HEMK2: variants seen among roughly 807,000 people sequenced by gnomAD.
The protein encoded by HEMK2 is methyltransferase HEMK2.
the HEMK2 span, among the ~76,000 whole-genome samples, chr21:28,625,647 G>T: frequency 6.6e-6 from 1 of 152,170 alleles, no homozygotes; most frequent in East Asian, 1.9e-4. Flanking sequence ...GGAGGTGGAG[G>T]TTGCAGTAAG....
the HEMK2 span, among the ~76,000 whole-genome samples, chr21:28,733,501 A>G: frequency 2.0e-4 from 31 of 152,290 alleles, no homozygotes; most frequent in African/African-American, 7.0e-4. Context: ...CGCAGGTCTC[A>G]TGATAAAGGA....
chr21:28,828,472 G>C, the HEMK2 span, among the ~76,000 whole-genome samples: 1 of 152,122 alleles, frequency 6.6e-6, no homozygotes, highest in Non-Finnish European at 1.5e-5. Context: ...AGAACTACTA[G>C]GTGAACACTC....
chr21:28,698,542 TA>T, the HEMK2 span, among the ~76,000 whole-genome samples: 5 of 151,950 alleles, frequency 3.3e-5, no homozygotes, highest in African/African-American at 2.4e-5. Flanking sequence ...TTATTTAATT[TA>T]AAAAAAGAAA....
chr21:28,782,646 G>C, the HEMK2 span, among the ~76,000 whole-genome samples: 1 of 152,282 alleles, frequency 6.6e-6, no homozygotes, highest in East Asian at 1.9e-4. Flanking sequence ...CCCATGAAAA[G>C]AAAACTGTTA....
the HEMK2 span, among the ~76,000 whole-genome samples, chr21:28,844,499 T>A: frequency 6.6e-6 from 1 of 152,136 alleles, no homozygotes; most frequent in Non-Finnish European, 1.5e-5. Flanking sequence ...GCACTAATCA[T>A]TATTTTTAAT....
the HEMK2 span, among the ~76,000 whole-genome samples, chr21:28,728,206 T>G: frequency 6.6e-6 from 1 of 152,254 alleles, no homozygotes; most frequent in East Asian, 1.9e-4. Context: ...ATTAACTATG[T>G]AGACACATCC....
the HEMK2 span, among the ~76,000 whole-genome samples, chr21:28,870,059 T>C: frequency 6.6e-6 from 1 of 152,232 alleles, no homozygotes; most frequent in Non-Finnish European, 1.5e-5. Flanking sequence ...TTGTTTATCA[T>C]TATGTTGTTG....
the HEMK2 span, among the ~76,000 whole-genome samples, chr21:28,746,815 G>C: frequency 6.6e-6 from 1 of 152,278 alleles, no homozygotes; most frequent in South Asian, 2.1e-4. Flanking sequence ...GAGAAGGGAA[G>C]GGAGAGGGTG....
chr21:28,793,815 GA>G, the HEMK2 span, among the ~76,000 whole-genome samples: 2 of 152,082 alleles, frequency 1.3e-5, no homozygotes, highest in Non-Finnish European at 2.9e-5. Flanking sequence ...CAGGGAGAAG[GA>G]GTCAAAGGCC....
chr21:28,755,416 T>C, the HEMK2 span, among the ~76,000 whole-genome samples: 5 of 152,208 alleles, frequency 3.3e-5, no homozygotes, highest in African/African-American at 1.2e-4. Flanking sequence ...GCAACTGATG[T>C]ACTCTTTGTC....
chr21:28,723,676 T>C, the HEMK2 span, among the ~76,000 whole-genome samples: 1 of 152,194 alleles, frequency 6.6e-6, no homozygotes, highest in African/African-American at 2.4e-5. Flanking sequence ...ATCAATAAGA[T>C]GTTGATAATC....
chr21:28,781,969 G>A, the HEMK2 span, among the ~76,000 whole-genome samples: 1 of 152,200 alleles, frequency 6.6e-6, no homozygotes, highest in South Asian at 2.1e-4. Context: ...TTTGGATTGT[G>A]CAGGATGTGA....
chr21:28,878,255 C>T, the HEMK2 span: 1 of 1,607,056 alleles, frequency 6.2e-7, no homozygotes, highest in Non-Finnish European at 8.5e-7. Context: ...AGATCTGGAA[C>T]CAGGGGAAAA....
the HEMK2 span, among the ~76,000 whole-genome samples, chr21:28,660,683 T>C: frequency 2.0e-5 from 3 of 152,008 alleles, no homozygotes; most frequent in Non-Finnish European, 4.4e-5. Context: ...TGGACCATTG[T>C]TAATATGTGA....
At chr21:28,778,764 A>G in the HEMK2 span, among the ~76,000 whole-genome samples, 2 of 151,942 alleles carry the variant, frequency 1.3e-5, no homozygotes, top group South Asian at 2.1e-4. Context: ...TACTAATTAA[A>G]TTTTTTACCT....
the HEMK2 span, among the ~76,000 whole-genome samples, chr21:28,665,332 T>TA: frequency 1.9e-3 from 194 of 100,874 alleles, 1 homozygote; most frequent in African/African-American, 0.011. Flanking sequence ...TTATTTATAT[T>TA]TCTTTTTTTT....
At chr21:28,704,637 G>C in the HEMK2 span, among the ~76,000 whole-genome samples, 2 of 151,838 alleles carry the variant, frequency 1.3e-5, no homozygotes, top group African/African-American at 4.8e-5. Flanking sequence ...GACACAGAAG[G>C]GAACAACCGT....
chr21:28,828,781 G>A, the HEMK2 span, among the ~76,000 whole-genome samples: 39 of 152,204 alleles, frequency 2.6e-4, no homozygotes, highest in Non-Finnish European at 4.4e-4. Flanking sequence ...AACACTTTAC[G>A]AATATCCATC....
the HEMK2 span, among the ~76,000 whole-genome samples, chr21:28,737,212 C>T: frequency 0.23 from 34,728 of 152,012 alleles, 4,607 homozygotes; most frequent in African/African-American, 0.35. Context: ...GAAGCCTCTG[C>T]TTCCAGAGTT....
Sources: allele counts gnomAD v4.1 joint callset (sites outside exome capture counted in the v4.1 genomes callset), GRCh38; gene constraint gnomAD v4.1.1; transcripts MANE v1.5; gene names NCBI Gene and HGNC (gene_info 2026-07-23, HGNC 2026-07-21).